Variants in BTBD2 observed in about 807,000 individuals in gnomAD.
BTBD2 encodes BTB/POZ domain-containing protein 2.
Under a neutral mutation model 44.0 loss-of-function variants are expected in BTBD2, and 15 were observed. That is an observed-to-expected ratio of 0.34 (90% CI 0.23 to 0.53). BTBD2 has a LOEUF of 0.53. Ranked by LOEUF, BTBD2 falls within the 20% of genes least tolerant of loss-of-function variation. BTBD2 has a pLI of 0.95. For synonymous variants in BTBD2, 443 were observed against 335.9 expected, an observed-to-expected ratio of 1.32 and a Z score of -3.49; for missense variants, 657 against 746.4, an observed-to-expected ratio of 0.88 and a Z score of 1.39.
chr19:2,004,981 G>A (rs907313346), intron 1 of BTBD2, among the ~76,000 whole-genome samples: 4 of 151,710 alleles, frequency 2.6e-5, no homozygotes, highest in Non-Finnish European at 4.4e-5. Context: ...CACCACGCCC[G>A]GCTAATTTTT....
chr19:1,989,965 T>TCC, intron 5 of BTBD2, 39 bp downstream of exon 5: 1 of 1,607,480 alleles, frequency 6.2e-7, no homozygotes, highest in Non-Finnish European at 8.5e-7. Context: ...TGTGTGCCAC[T>TCC]CCCCTCCCAA....
In BTBD2 at chr19:1,985,925, C is replaced by G. The variant is rs2016072373; in HGVS notation, c.*563G>C. On this transcript the variant is annotated 3_prime_UTR_variant, in exon 9 of 9. Transcript: ENST00000255608. ...CACTGAATCCTGCGTGCGCAGAACT[C>G]AAGCCGGCATCCAGGCAGTGGGAAC... 6.4e-6 allele frequency: 1 copy of G among 155,920 alleles called. No homozygotes were observed. The highest frequency in any genetic ancestry group is 1.9e-4 in the East Asian group (1 of 5,262). The allele number at this position is 155,920 out of a possible 1,614,324, so 9.7% of individuals were successfully genotyped here.
At chr19:2,000,469 G>A (rs951314058) in intron 1 of BTBD2, among the ~76,000 whole-genome samples, 14 of 152,238 alleles carry the variant, frequency 9.2e-5, no homozygotes, top group East Asian at 3.9e-4. Context: ...GGCGTGGGCC[G>A]TCCATGCAGT....
chr19:2,010,942 C>G (rs368636691), intron 1 of BTBD2, among the ~76,000 whole-genome samples: 3 of 152,152 alleles, frequency 2.0e-5, no homozygotes, highest in East Asian at 3.8e-4. Flanking sequence ...CCGGCCTCAG[C>G]TGCTGTTTTC....
intron 1 of BTBD2, 106 bp downstream of exon 1, chr19:2,015,191 G>A (rs2016517889): frequency 7.2e-7 from 1 of 1,384,054 alleles, no homozygotes; most frequent in Non-Finnish European, 9.4e-7. Flanking sequence ...CGGGGATGGA[G>A]GGGTGCGGGG....
intron 1 of BTBD2, among the ~76,000 whole-genome samples, chr19:2,000,663 T>C (rs66590415): frequency 0.22 from 32,637 of 151,780 alleles, 3,777 homozygotes; most frequent in East Asian, 0.31. Context: ...CACTCCCGGC[T>C]GTTCCCCCCT....
In BTBD2 at chr19:1,986,944, G is replaced by A; in HGVS notation, c.1302C>T (p.Gly434=). 6.2e-7 allele frequency: 1 copy of A among 1,613,182 alleles called. No homozygotes were observed. Among genetic ancestry groups the A allele is most frequent in the Admixed American group, 1.7e-5 (1 of 59,978 alleles). ...CGCAGCTGAAGCCCGTGTCGTTCTGGCCCAAGACGGTGTTGCTATCGGTGT... is the reference window on the plus strand; with the variant it reads ...CGCAGCTGAAGCCCGTGTCGTTCTGACCCAAGACGGTGTTGCTATCGGTGT... ...IIHTDSNTVL[G]QNDTGFSCDG... The change falls in exon 8 of 9, where the codon GGC becomes GGT. Residue 434 remains glycine, a synonymous_variant. Transcript: ENST00000255608.
At chr19:1,993,207 G>A (rs779835250) in intron 2 of BTBD2, 31 bp from the exon 3 acceptor site, 4 of 1,578,824 alleles carry the variant, frequency 2.5e-6, no homozygotes, top group Non-Finnish European at 2.6e-6. Context: ...GCCGTGAGGT[G>A]GGACCGCCAT....
At position 2,015,459 on chromosome 19, in the gene BTBD2, C is replaced by CCCGCCGCCT. The variant is rs1555688674; in HGVS notation, c.236_244dup (p.Glu79_Ala81dup). On this transcript the variant is annotated inframe_insertion, in exon 1 of 9. Transcript: ENST00000255608. The stretch of plus-strand genomic sequence containing the variant: ...GCGCTGCAGCGCCGCCGCCCCCGGG[C>CCCGCCGCCT]CCGCCGCCTCCTCCGCCCGCTCCGC... 1.5e-6 allele frequency: 2 copies of CCCGCCGCCT among 1,370,030 alleles called. No individual in the cohort carries two copies. Among genetic ancestry groups the CCCGCCGCCT allele is most frequent in the Middle Eastern group, 2.6e-4 (1 of 3,834 alleles). 84.9% of individuals were successfully genotyped at this position (1,370,030 alleles called of 1,614,324 possible).
intron 1 of BTBD2, chr19:2,002,925 A>T (rs1192791758): frequency 1.3e-5 from 2 of 151,696 alleles, no homozygotes; most frequent in Non-Finnish European, 2.9e-5. Flanking sequence ...CCCAGTTTGT[A>T]TCTACAAGAT....
intron 1 of BTBD2, among the ~76,000 whole-genome samples, chr19:2,005,550 G>C (rs965729111): frequency 3.3e-5 from 5 of 152,100 alleles, no homozygotes; most frequent in African/African-American, 1.2e-4. Context: ...GGGAGGCCGA[G>C]GCGGGTGGAT....
At chr19:1,996,407 C>A (rs533401082) in intron 2 of BTBD2, among the ~76,000 whole-genome samples, 1 of 151,816 alleles carries the variant, frequency 6.6e-6, no homozygotes, top group Non-Finnish European at 1.5e-5. Context: ...TAACAATATT[C>A]TCTTCAATCC....
At chr19:1,992,868 G>T in intron 3 of BTBD2, 152 bp downstream of exon 3, 1 of 779,514 alleles carries the variant, frequency 1.3e-6, no homozygotes, top group South Asian at 2.9e-5. Context: ...AACCACGCCC[G>T]GCCCAAAACA....
rs868515058 is a variant in BTBD2 at position 1,987,347 on chromosome 19, C to T, written c.1182-94G>A. 102 of 1,475,718 alleles carry T rather than the reference C, an allele frequency of 6.9e-5. No individual in the cohort carries two copies. The Middle Eastern group carries it at 4.6e-3, about 67-fold the overall frequency. 91.4% of individuals were successfully genotyped at this position (1,475,718 alleles called of 1,614,324 possible). A position where few individuals can be genotyped will look rare whatever the true frequency, so the allele number is the denominator to read the frequency against. On this transcript the variant is annotated intron_variant, in intron 6 of 8. Transcript: ENST00000255608. ...CACCCCCATGCCCGGTCCCCTCCAT[C>T]GTCCCTGAGTCCTCCACCCCCATGC...
At chr19:1,986,771 G>T in intron 8 of BTBD2, 59 bp downstream of exon 8, 16 of 1,570,494 alleles carry the variant, frequency 1.0e-5, no homozygotes, top group Non-Finnish European at 1.1e-5. Flanking sequence ...GCTGTGCCCC[G>T]GTGGCTTCAG....
chr19:1,990,549 G>A (rs1262478653), intron 4 of BTBD2, among the ~76,000 whole-genome samples, 168 bp downstream of exon 4: 7 of 152,144 alleles, frequency 4.6e-5, no homozygotes, highest in Non-Finnish European at 8.8e-5. Context: ...CCAAGGCCCC[G>A]GACTCCCGTG....
At chr19:1,991,397 C>T (rs11668090) in intron 3 of BTBD2, 55,691 of 153,038 alleles carry the variant, frequency 0.36, 11,455 homozygotes, top group African/African-American at 0.57. Context: ...AGCAGGGACC[C>T]GGGCAGGCCT....
At position 2,003,522 on chromosome 19, in the gene BTBD2, C is replaced by A. The variant is rs1030271144; in HGVS notation, c.408-6059G>T. ...CGGTGGCTCACGCCTGTAATCCCAG[C>A]ACTATGGGAGGCCAAGGCAGGTGAT... On this transcript the variant is annotated intron_variant, in intron 1 of 8. Transcript: ENST00000255608. The A allele has an allele frequency of 3.3e-5, 5 of 152,196 alleles. 1 individual carries two copies. Among genetic ancestry groups the A allele is most frequent in the East Asian group, 1.9e-4 (1 of 5,172 alleles). The allele number at this position is 152,196 out of a possible 1,614,324, so 9.4% of individuals were successfully genotyped here.
In BTBD2 at chr19:1,987,235, G is replaced by A. The variant is rs1427714955; in HGVS notation, c.1200C>T (p.Arg400=). The change falls in exon 7 of 9, where the codon CGC becomes CGT. Residue 400 remains arginine, a synonymous_variant. Coordinates refer to ENST00000255608, the MANE Select transcript of BTBD2 (RefSeq NM_017797.4). ...SDRIRFSVNK[R]IFVVGFGLYG... ...ACAGCCCAAATCCCACCACGAAGAT[G>A]CGCTTGTTGACTGAGAACCTGCCGT... The A allele has an allele frequency of 3.7e-6, 6 of 1,613,840 alleles. No individual in the cohort carries two copies. The highest frequency in any genetic ancestry group is 5.1e-6 in the Non-Finnish European group (6 of 1,179,860).
Sources: gnomAD v4.1 joint callset for allele counts (sites outside exome capture counted in the v4.1 genomes callset) on GRCh38, gnomAD v4.1.1 for gene constraint, MANE v1.5 for transcripts, NCBI Gene and HGNC (gene_info 2026-07-23, HGNC 2026-07-21) for gene names.